IGSF3: variants seen among roughly 807,000 people sequenced by gnomAD.
IGSF3 encodes the protein glu-Trp-Ile EWI motif-containing protein 3.
IGSF3 carries 23 observed loss-of-function variants against 114.4 expected under a neutral mutation model. The ratio of observed to expected loss-of-function variants is 0.20; its 90% CI spans 0.14 to 0.28. IGSF3 has a LOEUF of 0.28. IGSF3 is among the 10% of genes least tolerant of loss of function. IGSF3 has a pLI of 1.00. For synonymous variants in IGSF3, 571 were observed against 645.2 expected, an observed-to-expected ratio of 0.88 and a Z score of 1.74; for missense variants, 1,172 against 1,591.5, an observed-to-expected ratio of 0.74 and a Z score of 4.48.
rs758561583 is a variant in IGSF3, at chr1:116,579,915, T to C, written c.2849-38A>G. 7 of 1,528,896 alleles carry C rather than the reference T, an allele frequency of 4.6e-6. No homozygotes were observed. Among genetic ancestry groups the C allele is most frequent in the Non-Finnish European group, 6.1e-6 (7 of 1,141,534 alleles). 94.7% of individuals were successfully genotyped at this position (1,528,896 alleles called of 1,614,324 possible). A position where few individuals can be genotyped will look rare whatever the true frequency, so the allele number is the denominator to read the frequency against. ...AAGGGACAAACAGGGAAGGGGTTGT[T>C]TAAATTTATTTGCTCAAAATAAACT... On this transcript the variant is annotated intron_variant, in intron 9 of 10. Coordinates refer to ENST00000369486, the MANE Select transcript of IGSF3 (RefSeq NM_001007237.3). The surrounding 1 kb of genome is among the most constrained non-coding windows in gnomAD (Gnocchi z 6.4).
chr1:116,666,312 G>A lies in IGSF3; in HGVS notation c.15C>T (p.Phe5=). The A allele has an allele frequency of 6.2e-7, 1 of 1,614,128 alleles. No individual in the cohort carries two copies. Among genetic ancestry groups the A allele is most frequent in the Non-Finnish European group, 8.5e-7 (1 of 1,180,006 alleles). Residue 5 remains phenylalanine, a synonymous_variant, in exon 2 of 11, where the codon TTC becomes TTT. Coordinates refer to ENST00000369486, the MANE Select transcript of IGSF3 (RefSeq NM_001007237.3). MKCF[F]PVLSCLAVLG... is the part of the protein sequence containing the mutation. ...GCACAGCCAGACAGCTCAGCACCGG[G>A]AAAAAGCACTTCATGTCGGCAGCCT...
Position 116,649,397 on chromosome 1 carries a change from T to G in IGSF3, c.43+16887A>C, listed in dbSNP as rs977275517. On this transcript the variant is annotated intron_variant, in intron 2 of 10. Coordinates refer to ENST00000369486, the MANE Select transcript of IGSF3 (RefSeq NM_001007237.3). This position sits in a 1 kb window ranked among gnomAD's most constrained non-coding sequence, Gnocchi z 4.5. ...ATCCTCTTAACCCTTGGCCTCTCATTCCCAAAGTCTAGCCCTATTTTCAAA... is the reference window on the plus strand; with the variant it reads ...ATCCTCTTAACCCTTGGCCTCTCATGCCCAAAGTCTAGCCCTATTTTCAAA... 1.3e-5 allele frequency among the ~76,000 whole-genome samples: 2 copies of G among 152,204 alleles called. No homozygotes were observed. The highest frequency in any genetic ancestry group is 4.8e-5 in the African/African-American group (2 of 41,440).
chr1:116,615,611 C>A lies in IGSF3; in HGVS notation c.421+469G>T, dbSNP rs1258979069. Among the ~76,000 whole-genome samples the A allele has an allele frequency of 6.6e-6, 1 of 152,142 alleles. No homozygotes were observed. ...AGTTCATAGTTCCTTACGCATGGAG[C>A]CAAAGGACCTTCAATGTACAAGGTC... On this transcript the variant is annotated intron_variant, in intron 3 of 10. Coordinates refer to ENST00000369486, the MANE Select transcript of IGSF3 (RefSeq NM_001007237.3). The surrounding 1 kb of genome is among the most constrained non-coding windows in gnomAD (Gnocchi z 4.3).
At position 116,589,140 on chromosome 1, in the gene IGSF3, A is replaced by G; in HGVS notation, c.2030-36T>C. ...AAGGGGAACACAGGAATCACCACAG[A>G]CTCCCAGAAACGTGGCCCATCCACC... On this transcript the variant is annotated intron_variant, in intron 7 of 10. Coordinates refer to ENST00000369486, the MANE Select transcript of IGSF3 (RefSeq NM_001007237.3). This position sits in a 1 kb window ranked among gnomAD's most constrained non-coding sequence, Gnocchi z 5.7. The G allele has an allele frequency of 6.4e-7, 1 of 1,571,408 alleles. No individual in the cohort carries two copies. Among genetic ancestry groups the G allele is most frequent in the Non-Finnish European group, 8.7e-7 (1 of 1,152,046 alleles).
chr1:116,645,087 C>G (rs948840229), intron 2 of IGSF3, among the ~76,000 whole-genome samples: 9 of 152,120 alleles, frequency 5.9e-5, no homozygotes, highest in Non-Finnish European at 1.2e-4. Flanking sequence ...CATAGTAGCC[C>G]CAAACTGGAA....
rs191567687 is a variant in IGSF3 at position 116,627,312 on chromosome 1, C to T, written c.44-10855G>A. Among the ~76,000 whole-genome samples, 76 of 152,302 alleles carry T rather than the reference C, an allele frequency of 5.0e-4. 1 individual carries two copies. Among genetic ancestry groups the T allele is most frequent in the African/African-American group, 1.7e-3 (70 of 41,556 alleles). ...CAATTACTGTTGCTATTATTTTACG[C>T]TTCATTTCTGGACCTAGGATACCCC... is the stretch of plus-strand genomic sequence containing the variant. On this transcript the variant is annotated intron_variant, in intron 2 of 10. Transcript: ENST00000369486. This position sits in a 1 kb window ranked among gnomAD's most constrained non-coding sequence, Gnocchi z 4.7.
rs1660519982 is a variant in IGSF3 at position 116,600,202 on chromosome 1, C to G, written c.1768G>C (p.Val590Leu). The G allele has an allele frequency of 5.6e-6, 9 of 1,614,190 alleles. No homozygotes were observed. The highest frequency in any genetic ancestry group is 7.6e-6 in the Non-Finnish European group (9 of 1,180,038). Reference protein sequence around the residue: ...VTWRFQPVGTVEFHDLVTFTR... With the variant: ...VTWRFQPVGTLEFHDLVTFTR... Reference sequence around the variant, plus strand: ...AAGGTCACCAAGTCATGGAACTCCACCGTGCCCACCGGCTGGAACCGCCAT... The same window carrying G: ...AAGGTCACCAAGTCATGGAACTCCAGCGTGCCCACCGGCTGGAACCGCCAT... The change falls in exon 7 of 11, where the codon GTG becomes CTG. Residue 590 changes from valine to leucine, a missense_variant. Val to Leu is a conservative substitution (Grantham distance 32). Around this residue, in one of 3 missense-constraint regions of IGSF3, gnomAD observed 736 missense variants for 1,042.0 expected, o/e 0.71. Coordinates refer to ENST00000369486, the MANE Select transcript of IGSF3 (RefSeq NM_001007237.3). This position sits in a 1 kb window ranked among gnomAD's most constrained non-coding sequence, Gnocchi z 5.5.
chr1:116,604,692 C>A (rs188411052), intron 5 of IGSF3, among the ~76,000 whole-genome samples: 3 of 152,198 alleles, frequency 2.0e-5, no homozygotes, highest in African/African-American at 7.2e-5. Flanking sequence ...ACCACTCTCC[C>A]GCCTGTCCAG....
At position 116,616,654 on chromosome 1, in the gene IGSF3, G is replaced by A. The variant is rs1661229776; in HGVS notation, c.44-197C>T. ...TGTGGTAAAGCACTGTCCCTAATTT[G>A]CATATATGGGAATTTGATCATGCCA... On this transcript the variant is annotated intron_variant, in intron 2 of 10. Coordinates refer to ENST00000369486, the MANE Select transcript of IGSF3 (RefSeq NM_001007237.3). This position sits in a 1 kb window ranked among gnomAD's most constrained non-coding sequence, Gnocchi z 6.6. Among the ~76,000 whole-genome samples, 1 of 152,132 alleles carries A rather than the reference G, an allele frequency of 6.6e-6. No homozygotes were observed. The highest frequency in any genetic ancestry group is 1.5e-5 in the Non-Finnish European group (1 of 68,008).
rs568955580 is a variant in IGSF3, at chr1:116,615,305, A to G, written c.421+775T>C. ...CACACATACACACACACACACACAC[A>G]CGAAAAAAAAAAGGTCTCCTGCTGG... On this transcript the variant is annotated intron_variant, in intron 3 of 10. Transcript: ENST00000369486. The surrounding 1 kb of genome is among the most constrained non-coding windows in gnomAD (Gnocchi z 4.3). Among the ~76,000 whole-genome samples the G allele has an allele frequency of 2.7e-5, 4 of 149,634 alleles. No homozygotes were observed. Among genetic ancestry groups the G allele is most frequent in the South Asian group, 2.1e-4 (1 of 4,722 alleles).
chr1:116,586,347 G>T (rs919694755), intron 8 of IGSF3, among the ~76,000 whole-genome samples: 5 of 152,228 alleles, frequency 3.3e-5, no homozygotes, highest in Non-Finnish European at 7.4e-5. Flanking sequence ...AGGGTTGAAA[G>T]GTTATTTTCT....
rs530174413 is a variant in IGSF3 at position 116,627,981 on chromosome 1, C to T, written c.44-11524G>A. On this transcript the variant is annotated intron_variant, in intron 2 of 10. Coordinates refer to ENST00000369486, the MANE Select transcript of IGSF3 (RefSeq NM_001007237.3). This position sits in a 1 kb window ranked among gnomAD's most constrained non-coding sequence, Gnocchi z 4.7. ...AACAGGAATATTCCTCTTCTCCTGACTCTGCCCAAGGCACTGCTGTGACCC... is the reference window on the plus strand; with the variant it reads ...AACAGGAATATTCCTCTTCTCCTGATTCTGCCCAAGGCACTGCTGTGACCC... 6.6e-6 allele frequency among the ~76,000 whole-genome samples: 1 copy of T among 152,358 alleles called. No homozygotes were observed. Among genetic ancestry groups the T allele is most frequent in the South Asian group, 2.1e-4 (1 of 4,828 alleles).
At position 116,600,797 on chromosome 1, in the gene IGSF3, A is replaced by G. The variant is rs1013305222; in HGVS notation, c.1625-452T>C. Among the ~76,000 whole-genome samples, 3 of 152,122 alleles carry G rather than the reference A, an allele frequency of 2.0e-5. No homozygotes were observed. The highest frequency in any genetic ancestry group is 4.4e-5 in the Non-Finnish European group (3 of 68,012). ...ACCACTTTTCCTGGTCCCTTAGCGC[A>G]CTGGTGCCGAGAAGGGAAGCAGATG... is the stretch of plus-strand genomic sequence containing the variant. On this transcript the variant is annotated intron_variant, in intron 6 of 10. Transcript: ENST00000369486. The surrounding 1 kb of genome is among the most constrained non-coding windows in gnomAD (Gnocchi z 5.5).
rs966707409 is a variant in IGSF3, at chr1:116,612,027, T to C, written c.832+1738A>G. 6.6e-6 allele frequency among the ~76,000 whole-genome samples: 1 copy of C among 152,226 alleles called. No individual in the cohort carries two copies. Among genetic ancestry groups the C allele is most frequent in the South Asian group, 2.1e-4 (1 of 4,838 alleles). ...GAATGCAGGGTGAAGTCATCAACTT[T>C]TTTTTCACTTAGTTTTCCTTTTGCT... On this transcript the variant is annotated intron_variant, in intron 4 of 10. Transcript: ENST00000369486. The surrounding 1 kb of genome is among the most constrained non-coding windows in gnomAD (Gnocchi z 4.1).
chr1:116,659,870 T>C (rs908547951), intron 2 of IGSF3, among the ~76,000 whole-genome samples: 3 of 152,194 alleles, frequency 2.0e-5, no homozygotes, highest in African/African-American at 7.2e-5. Context: ...TCCTCCTGCC[T>C]CAGCCTCCCA....
In IGSF3 at chr1:116,601,694, C is replaced by T. The variant is rs569275670; in HGVS notation, c.1625-1349G>A. On this transcript the variant is annotated intron_variant, in intron 6 of 10. Coordinates refer to ENST00000369486, the MANE Select transcript of IGSF3 (RefSeq NM_001007237.3). ...GGTACAATTTGCTGAAAACTCTGGACCTTTGATTTGGATTTCATAAGCTAT... is the reference window on the plus strand; with the variant it reads ...GGTACAATTTGCTGAAAACTCTGGATCTTTGATTTGGATTTCATAAGCTAT... 5.3e-5 allele frequency among the ~76,000 whole-genome samples: 8 copies of T among 152,280 alleles called. No homozygotes were observed. The South Asian group carries it at 1.2e-3, about 24-fold the overall frequency.
In IGSF3 at chr1:116,638,017, CCTT is replaced by C. The variant is rs1298148673; in HGVS notation, c.44-21563_44-21561del. Among the ~76,000 whole-genome samples the C allele has an allele frequency of 1.3e-5, 2 of 152,178 alleles. No homozygotes were observed. The highest frequency in any genetic ancestry group is 2.4e-5 in the African/African-American group (1 of 41,426). On this transcript the variant is annotated intron_variant, in intron 2 of 10. Transcript: ENST00000369486. This position sits in a 1 kb window ranked among gnomAD's most constrained non-coding sequence, Gnocchi z 4.1. ...GCCTATAAGTATATCGGATCGCTCT[CCTT>C]CTTGCTGGCATCCACAGTAACTATA...
Position 116,588,685 on chromosome 1 carries a change from C to A in IGSF3, c.2440+9G>T. 1.9e-6 allele frequency: 3 copies of A among 1,558,646 alleles called. No individual in the cohort carries two copies. Among genetic ancestry groups the A allele is most frequent in the South Asian group, 1.2e-5 (1 of 81,876 alleles). On this transcript the variant is annotated intron_variant, in intron 8 of 10. Transcript: ENST00000369486. The surrounding 1 kb of genome is among the most constrained non-coding windows in gnomAD (Gnocchi z 4.9). ...ACTGGCCCAGGACAGCCGTGCCCTG[C>A]GGCCTTACCTGGCTGTTTCACAGTG...
intron 7 of IGSF3, among the ~76,000 whole-genome samples, chr1:116,597,686 G>A (rs201076129): frequency 3.3e-5 from 5 of 152,158 alleles, no homozygotes; most frequent in East Asian, 1.9e-4. Flanking sequence ...ACACAAAGAC[G>A]ACCTCAGAGC....
Sources: allele counts gnomAD v4.1 joint callset (sites outside exome capture counted in the v4.1 genomes callset), GRCh38; gene constraint gnomAD v4.1.1; regional missense constraint gnomAD v4.1.1; non-coding constraint Gnocchi (gnomAD v3.1); transcripts MANE v1.5; gene names NCBI Gene and HGNC (gene_info 2026-07-23, HGNC 2026-07-21).